The following CSTPP1 variants were observed in gnomAD, a reference collection of about 807,000 sequenced individuals.
CSTPP1 encodes the protein centriolar satellite-associated tubulin polyglutamylase complex regulator 1.
the CSTPP1 span, among the ~76,000 whole-genome samples, chr11:47,065,958 C>A: frequency 8.4e-6 from 1 of 119,134 alleles, no homozygotes; most frequent in African/African-American, 3.0e-5. Context: ...TTGCTGAATT[C>A]ATTTATTAGG....
chr11:47,064,537 A>G, the CSTPP1 span, among the ~76,000 whole-genome samples: 2 of 152,158 alleles, frequency 1.3e-5, no homozygotes, highest in African/African-American at 4.8e-5. Context: ...TTGCACGTGC[A>G]TATTCAGTTT....
the CSTPP1 span, among the ~76,000 whole-genome samples, chr11:46,964,705 A>T: frequency 2.6e-5 from 4 of 152,218 alleles, no homozygotes; most frequent in Non-Finnish European, 5.9e-5. Context: ...TGAGGATTTC[A>T]TTGAGCTTTA....
chr11:47,054,111 C>T, the CSTPP1 span, among the ~76,000 whole-genome samples: 107 of 150,952 alleles, frequency 7.1e-4, no homozygotes, highest in African/African-American at 2.5e-3. Context: ...AGATCGAGAC[C>T]ATCCTGGCTA....
At chr11:47,137,768 G>A in the CSTPP1 span, 2 of 1,580,658 alleles carry the variant, frequency 1.3e-6, no homozygotes, top group South Asian at 2.2e-5. Context: ...TCAGCTCTCT[G>A]TGGGCCACTG....
the CSTPP1 span, among the ~76,000 whole-genome samples, chr11:46,940,739 C>T: frequency 9.2e-5 from 14 of 152,216 alleles, no homozygotes; most frequent in Admixed American, 8.5e-4. Flanking sequence ...GGGGATATCA[C>T]AGACAATTTT....
chr11:46,953,215 G>C, the CSTPP1 span, among the ~76,000 whole-genome samples: 1 of 152,166 alleles, frequency 6.6e-6, no homozygotes, highest in Non-Finnish European at 1.5e-5. Context: ...GGATTGAAGA[G>C]TAAATCGGAG....
chr11:47,034,260 GTA>G, the CSTPP1 span, among the ~76,000 whole-genome samples: 2 of 152,182 alleles, frequency 1.3e-5, no homozygotes, highest in Non-Finnish European at 2.9e-5. Flanking sequence ...CTGGCAACTG[GTA>G]TTTATCTTTT....
the CSTPP1 span, among the ~76,000 whole-genome samples, chr11:46,966,130 C>T: frequency 1.3e-5 from 2 of 152,142 alleles, no homozygotes; most frequent in African/African-American, 4.8e-5. Context: ...GCAACCTCTA[C>T]CTCCCGGGTT....
chr11:47,139,297 A>G, the CSTPP1 span, among the ~76,000 whole-genome samples: 1 of 152,066 alleles, frequency 6.6e-6, no homozygotes, highest in Non-Finnish European at 1.5e-5. Context: ...TCCCACACAC[A>G]CCCCTAGAGG....
chr11:46,961,182 C>A, the CSTPP1 span, among the ~76,000 whole-genome samples: 1 of 152,298 alleles, frequency 6.6e-6, no homozygotes, highest in South Asian at 2.1e-4. Context: ...ATTTTACCCA[C>A]CAGCAGTATA....
chr11:47,094,680 T>C, the CSTPP1 span, among the ~76,000 whole-genome samples: 1 of 152,238 alleles, frequency 6.6e-6, no homozygotes, highest in South Asian at 2.1e-4. Context: ...AATTCAGTTA[T>C]TTAGTCACAT....
chr11:46,948,372 C>T, the CSTPP1 span, among the ~76,000 whole-genome samples: 2 of 152,186 alleles, frequency 1.3e-5, no homozygotes, highest in South Asian at 4.1e-4. Context: ...GGACACTGTT[C>T]AGCCTGTCAT....
At chr11:47,039,267 G>T in the CSTPP1 span, among the ~76,000 whole-genome samples, 377 of 128,092 alleles carry the variant, frequency 2.9e-3, 23 homozygotes, top group African/African-American at 9.0e-3. Flanking sequence ...TCAGGATGCC[G>T]AGGCTGGCGG....
the CSTPP1 span, among the ~76,000 whole-genome samples, chr11:47,111,125 C>T: frequency 2.0e-5 from 3 of 152,010 alleles, no homozygotes; most frequent in African/African-American, 7.2e-5. Context: ...ATCTCCTGAC[C>T]TCGTGATCTG....
At chr11:46,997,801 T>C in the CSTPP1 span, among the ~76,000 whole-genome samples, 15 of 152,198 alleles carry the variant, frequency 9.9e-5, no homozygotes, top group African/African-American at 3.6e-4. Context: ...CAGCTGCAGG[T>C]CTGTTGGAGT....
At chr11:47,124,404 C>T in the CSTPP1 span, among the ~76,000 whole-genome samples, 10 of 151,838 alleles carry the variant, frequency 6.6e-5, no homozygotes, top group Admixed American at 3.3e-4. Flanking sequence ...CATAAGCCAC[C>T]GCACCCGGCC....
chr11:47,019,166 C>T, the CSTPP1 span, among the ~76,000 whole-genome samples: 1 of 152,080 alleles, frequency 6.6e-6, no homozygotes, highest in East Asian at 1.9e-4. Context: ...AGCCATCATG[C>T]CTGCCTAATT....
the CSTPP1 span, among the ~76,000 whole-genome samples, chr11:47,137,081 GAC>G: frequency 6.6e-6 from 1 of 152,172 alleles, no homozygotes; most frequent in Non-Finnish European, 1.5e-5. Context: ...ATAATAGGAT[GAC>G]CAGATTTGTG....
chr11:47,137,182 A>G, the CSTPP1 span: 3 of 923,798 alleles, frequency 3.2e-6, no homozygotes, highest in African/African-American at 5.2e-5. Flanking sequence ...TCTTCTCCCT[A>G]CACAGCAAGA....
Sources: gnomAD v4.1 joint callset for allele counts (sites outside exome capture counted in the v4.1 genomes callset) on GRCh38, gnomAD v4.1.1 for gene constraint, MANE v1.5 for transcripts, NCBI Gene and HGNC (gene_info 2026-07-23, HGNC 2026-07-21) for gene names.